Variants in AMPH observed in about 807,000 individuals in gnomAD.
The protein encoded by AMPH is amphiphysin (Stiff-Mann syndrome with breast cancer 128kD autoantigen).
AMPH carries 49 observed loss-of-function variants against 99.1 expected under a neutral mutation model. The observed-to-expected ratio is 0.49, with a 90% confidence interval of 0.39 to 0.63. AMPH has a LOEUF of 0.63. Ranked by LOEUF, AMPH falls within the 20% of genes least tolerant of loss-of-function variation. The pLI is 0.00. For synonymous variants in AMPH, 314 were observed against 317.3 expected, an observed-to-expected ratio of 0.99 and a Z score of 0.11; for missense variants, 759 against 863.4, an observed-to-expected ratio of 0.88 and a Z score of 1.52.
intron 17 of AMPH, among the ~76,000 whole-genome samples, chr7:38,406,761 T>C (rs1785018103): frequency 7.0e-6 from 1 of 143,504 alleles, no homozygotes. Flanking sequence ...TCTCTCTCTC[T>C]CTCTCTCTCT....
At chr7:38,543,216 C>T (rs940727097) in intron 1 of AMPH, among the ~76,000 whole-genome samples, 8 of 152,036 alleles carry the variant, frequency 5.3e-5, no homozygotes, top group African/African-American at 1.9e-4. Flanking sequence ...ATGATTGCAT[C>T]GCTGCACTTC....
intron 2 of AMPH, among the ~76,000 whole-genome samples, chr7:38,528,413 A>G (rs1004117913): frequency 1.3e-5 from 2 of 152,154 alleles, no homozygotes; most frequent in Non-Finnish European, 2.9e-5. Flanking sequence ...ACTTTCTTTA[A>G]TAATTATTAA....
At chr7:38,403,530 G>A (rs1003453862) in intron 17 of AMPH, among the ~76,000 whole-genome samples, 2 of 152,064 alleles carry the variant, frequency 1.3e-5, no homozygotes, top group African/African-American at 4.8e-5. Context: ...TGAAGAACCT[G>A]CCTGTCTGTG....
intron 5 of AMPH, among the ~76,000 whole-genome samples, chr7:38,479,826 C>T (rs899885876): frequency 1.3e-5 from 2 of 151,768 alleles, no homozygotes; most frequent in African/African-American, 4.8e-5. Flanking sequence ...TGTTATACAT[C>T]AAATAAATGA....
At chr7:38,556,374 T>C (rs532970086) in intron 1 of AMPH, among the ~76,000 whole-genome samples, 1 of 151,964 alleles carries the variant, frequency 6.6e-6, no homozygotes, top group Non-Finnish European at 1.5e-5. Flanking sequence ...GGAAAAAAAA[T>C]GAATGAGAAA....
At chr7:38,514,935 A>G (rs1584191402) in intron 2 of AMPH, among the ~76,000 whole-genome samples, 1 of 152,184 alleles carries the variant, frequency 6.6e-6, no homozygotes, top group East Asian at 1.9e-4. Context: ...AAGAGTTTGG[A>G]GCAGGCTAAA....
chr7:38,548,187 C>T (rs901048199), intron 1 of AMPH, among the ~76,000 whole-genome samples: 2 of 152,184 alleles, frequency 1.3e-5, no homozygotes, highest in Non-Finnish European at 2.9e-5. Context: ...CACCACCACA[C>T]CCGGCTAATT....
intron 2 of AMPH, among the ~76,000 whole-genome samples, chr7:38,509,702 A>G (rs1259243491): frequency 6.6e-6 from 1 of 152,148 alleles, no homozygotes; most frequent in African/African-American, 2.4e-5. Flanking sequence ...CATCATGGGC[A>G]TTATTTAAAA....
chr7:38,536,298 T>C (rs1790596872), intron 1 of AMPH, among the ~76,000 whole-genome samples: 1 of 152,190 alleles, frequency 6.6e-6, no homozygotes, highest in South Asian at 2.1e-4. Flanking sequence ...CTCATTTTCC[T>C]GCATAACAAA....
intron 1 of AMPH, among the ~76,000 whole-genome samples, chr7:38,568,363 G>A (rs1472672644): frequency 3.3e-5 from 5 of 152,150 alleles, no homozygotes; most frequent in Non-Finnish European, 7.3e-5. Context: ...TACTCAGGAG[G>A]CTGACGCAGG....
intron 2 of AMPH, among the ~76,000 whole-genome samples, chr7:38,523,679 CAT>C (rs1468700810): frequency 6.6e-6 from 1 of 152,070 alleles, no homozygotes; most frequent in Non-Finnish European, 1.5e-5. Context: ...GAGATAACAA[CAT>C]TTTGCGAAAT....
intron 11 of AMPH, among the ~76,000 whole-genome samples, chr7:38,440,133 T>C (rs773435409): frequency 1.3e-5 from 2 of 152,144 alleles, no homozygotes; most frequent in Non-Finnish European, 2.9e-5. Flanking sequence ...GGACCAATCA[T>C]AATCTAATTT....
intron 1 of AMPH, among the ~76,000 whole-genome samples, chr7:38,591,402 C>T (rs1255290029): frequency 6.6e-6 from 1 of 151,816 alleles, no homozygotes; most frequent in Non-Finnish European, 1.5e-5. Flanking sequence ...ATTCTCCTGC[C>T]TCAGCCTCCC....
rs571003155 is a variant in AMPH, at chr7:38,573,151, T to C, written c.70-38140A>G. On this transcript the variant is annotated intron_variant, in intron 1 of 20. Transcript: ENST00000356264. Reference sequence around the variant, plus strand: ...ATCAAAAATATTTGTACCTCCCTGATGTAATTACAAAGACTGGGGCTTGTG... The same window carrying C: ...ATCAAAAATATTTGTACCTCCCTGACGTAATTACAAAGACTGGGGCTTGTG... Among the ~76,000 whole-genome samples, 7 of 152,322 alleles carry C rather than the reference T, an allele frequency of 4.6e-5. No individual in the cohort carries two copies. In the East Asian group the frequency reaches 1.3e-3, roughly 29 times the overall value.
chr7:38,497,707 T>C (rs1224987767), intron 3 of AMPH, among the ~76,000 whole-genome samples: 3 of 152,218 alleles, frequency 2.0e-5, no homozygotes, highest in Non-Finnish European at 4.4e-5. Flanking sequence ...GTCCCATTGC[T>C]TAGACGAGAG....
chr7:38,547,552 G>T (rs1361413030), intron 1 of AMPH, among the ~76,000 whole-genome samples: 2 of 152,176 alleles, frequency 1.3e-5, no homozygotes, highest in African/African-American at 4.8e-5. Context: ...TGTTTAGTAG[G>T]ATGTGTTCAG....
At position 38,578,065 on chromosome 7, in the gene AMPH, AGTT is replaced by A. The variant is rs562554226; in HGVS notation, c.70-43057_70-43055del. On this transcript the variant is annotated intron_variant, in intron 1 of 20. Transcript: ENST00000356264. ...AAATGACAGAGATTGGGCTGAAATC[AGTT>A]GTTGACACTGCCACACACTTATAGG... 1.4e-3 allele frequency among the ~76,000 whole-genome samples: 206 copies of A among 152,344 alleles called. 3 individuals carry two copies. The Middle Eastern group carries it at 0.024, about 18-fold the overall frequency.
chr7:38,471,551 G>T (rs1366181352), intron 7 of AMPH, among the ~76,000 whole-genome samples: 6 of 152,242 alleles, frequency 3.9e-5, no homozygotes, highest in African/African-American at 1.2e-4. Context: ...TGGCAGTAAT[G>T]GAGGAATAGA....
chr7:38,455,157 G>A (rs1225325344), intron 11 of AMPH, among the ~76,000 whole-genome samples: 1 of 151,554 alleles, frequency 6.6e-6, no homozygotes, highest in African/African-American at 2.4e-5. Context: ...TTGGTTCACC[G>A]CAACCTCCGC....
Sources: allele counts gnomAD v4.1 joint callset (sites outside exome capture counted in the v4.1 genomes callset), GRCh38; gene constraint gnomAD v4.1.1; transcripts MANE v1.5; gene names NCBI Gene and HGNC (gene_info 2026-07-23, HGNC 2026-07-21).